The following BLTP1 variants were observed in gnomAD, a reference collection of about 807,000 sequenced individuals.
BLTP1 encodes the protein bridge-like lipid transfer protein family member 1, also known as fragile site-associated protein.
At chr4:122,296,684 A>G in the BLTP1 span, among the ~76,000 whole-genome samples, 1 of 152,252 alleles carries the variant, frequency 6.6e-6, no homozygotes, top group Non-Finnish European at 1.5e-5. Context: ...AGGCTACAGT[A>G]ACTAACACAG....
chr4:122,249,384 T>G, the BLTP1 span: 1 of 1,507,014 alleles, frequency 6.6e-7, no homozygotes, highest in Non-Finnish European at 8.9e-7. Context: ...CACTAAGATA[T>G]CTTTTAAAGA....
At chr4:122,301,570 C>T in the BLTP1 span, among the ~76,000 whole-genome samples, 2 of 152,028 alleles carry the variant, frequency 1.3e-5, no homozygotes, top group Non-Finnish European at 2.9e-5. Context: ...TTCTTTAGGA[C>T]TTTTTTCCTG....
At chr4:122,249,831 T>C in the BLTP1 span, 2 of 1,414,428 alleles carry the variant, frequency 1.4e-6, no homozygotes, top group Non-Finnish European at 1.9e-6. Flanking sequence ...CGGGGGTGAG[T>C]GCCTCATACC....
the BLTP1 span, among the ~76,000 whole-genome samples, chr4:122,228,690 C>T: frequency 1.3e-4 from 19 of 150,270 alleles, no homozygotes; most frequent in African/African-American, 4.8e-4. Context: ...TGTGGATTGT[C>T]TTAGTGAATT....
the BLTP1 span, chr4:122,312,676 A>G: frequency 4.8e-6 from 1 of 207,618 alleles, no homozygotes; most frequent in Non-Finnish European, 8.4e-6. Flanking sequence ...TTAAAAAAAC[A>G]TAATAACAAG....
chr4:122,337,091 A>G, the BLTP1 span: 1 of 1,364,104 alleles, frequency 7.3e-7, no homozygotes, highest in Non-Finnish European at 1.0e-6. Flanking sequence ...GAACATTTCA[A>G]CATTATTACT....
the BLTP1 span, among the ~76,000 whole-genome samples, chr4:122,242,787 C>G: frequency 6.6e-6 from 1 of 152,138 alleles, no homozygotes; most frequent in Admixed American, 6.5e-5. Flanking sequence ...TAGCCTTTTA[C>G]CCTCACAACC....
chr4:122,202,545 C>T, the BLTP1 span: 17 of 970,742 alleles, frequency 1.8e-5, no homozygotes, highest in Non-Finnish European at 2.0e-5. Flanking sequence ...TTACTTACCT[C>T]TTTGACTAGC....
chr4:122,285,397 G>A, the BLTP1 span, among the ~76,000 whole-genome samples: 346 of 152,182 alleles, frequency 2.3e-3, no homozygotes, highest in Non-Finnish European at 3.8e-3. Context: ...TGGTGGCAGC[G>A]ACAGTGGTAG....
chr4:122,309,284 C>G, the BLTP1 span: 1 of 1,612,432 alleles, frequency 6.2e-7, no homozygotes, highest in African/African-American at 1.3e-5. Flanking sequence ...TACTGGAGAC[C>G]TTGACACTGG....
At chr4:122,179,102 G>C in the BLTP1 span, among the ~76,000 whole-genome samples, 7 of 151,948 alleles carry the variant, frequency 4.6e-5, no homozygotes, top group Non-Finnish European at 1.0e-4. Context: ...ACATTAGCAA[G>C]ACCATGTCTC....
the BLTP1 span, chr4:122,230,019 G>C: frequency 1.9e-6 from 3 of 1,614,138 alleles, no homozygotes; most frequent in Non-Finnish European, 2.5e-6. Context: ...TTTCAAGTGA[G>C]ACAGTACATT....
At chr4:122,244,146 T>A in the BLTP1 span, 17,079 of 1,051,594 alleles carry the variant, frequency 0.016, 175 homozygotes, top group Non-Finnish European at 0.018. Context: ...ATATGTGATA[T>A]ATGTTCATAT....
the BLTP1 span, chr4:122,190,588 G>T: frequency 4.8e-6 from 3 of 619,914 alleles, no homozygotes; most frequent in Middle Eastern, 8.3e-4. Context: ...TAGATTAAAA[G>T]AGAACATTAT....
At chr4:122,346,861 C>T in the BLTP1 span, 18 of 1,502,382 alleles carry the variant, frequency 1.2e-5, no homozygotes, top group Middle Eastern at 2.4e-4. Context: ...CCATGTGATG[C>T]GTTCAGTCAT....
At chr4:122,211,443 A>G in the BLTP1 span, among the ~76,000 whole-genome samples, 29 of 152,296 alleles carry the variant, frequency 1.9e-4, no homozygotes, top group Non-Finnish European at 3.7e-4. Flanking sequence ...TAATGTAGCA[A>G]TAGAAGTACT....
the BLTP1 span, chr4:122,350,467 A>C: frequency 1.2e-6 from 1 of 854,240 alleles, no homozygotes; most frequent in Non-Finnish European, 1.4e-6. Flanking sequence ...AGCTACAACC[A>C]TGTGCTTAGG....
At chr4:122,334,428 T>A in the BLTP1 span, 2 of 1,612,870 alleles carry the variant, frequency 1.2e-6, no homozygotes, top group Non-Finnish European at 1.7e-6. Context: ...GTCCAAAGAG[T>A]CCAAGCTGTA....
At chr4:122,226,497 T>C in the BLTP1 span, 17 of 1,331,488 alleles carry the variant, frequency 1.3e-5, no homozygotes, top group Non-Finnish European at 3.8e-6. Context: ...CAGTGCATTT[T>C]GTCATTCATA....
Sources: allele counts gnomAD v4.1 joint callset (sites outside exome capture counted in the v4.1 genomes callset), GRCh38; gene constraint gnomAD v4.1.1; transcripts MANE v1.5; gene names NCBI Gene and HGNC (gene_info 2026-07-23, HGNC 2026-07-21).